Variants in CFAP299 observed in about 807,000 individuals in gnomAD.
The protein encoded by CFAP299 is cilia- and flagella-associated protein 299.
In CFAP299, 21 loss-of-function variants were observed where a neutral mutation model predicts 27.0. That is an observed-to-expected ratio of 0.78 (90% CI 0.55 to 1.12). The LOEUF (loss-of-function observed/expected upper bound fraction) is 1.12, where lower values mean the gene tolerates loss of function less well. Ranked by LOEUF, CFAP299 falls within the 50% of genes most tolerant of loss-of-function variation. The pLI is 0.00. For missense variants in CFAP299, 310 were observed against 276.6 expected, an observed-to-expected ratio of 1.12 and a Z score of -0.86; for synonymous variants, 104 against 98.1, an observed-to-expected ratio of 1.06 and a Z score of -0.36.
intron 3 of CFAP299, among the ~76,000 whole-genome samples, chr4:80,603,740 T>C (rs1370698999): frequency 1.3e-5 from 2 of 152,198 alleles, no homozygotes; most frequent in African/African-American, 4.8e-5. Context: ...TATTCATCTA[T>C]ATGATAGAAT....
intron 2 of CFAP299, among the ~76,000 whole-genome samples, chr4:80,488,795 G>T (rs963135033): frequency 1.3e-5 from 2 of 152,114 alleles, no homozygotes; most frequent in African/African-American, 4.8e-5. Context: ...TCCTAACTGA[G>T]TATGTTATAT....
At chr4:80,752,170 G>T (rs79315520) in intron 3 of CFAP299, among the ~76,000 whole-genome samples, 1 of 151,862 alleles carries the variant, frequency 6.6e-6, no homozygotes. Flanking sequence ...GCCACTCCCC[G>T]GTAGGCCATC....
At chr4:80,501,459 GAA>G (rs1044319321) in intron 2 of CFAP299, among the ~76,000 whole-genome samples, 8 of 146,606 alleles carry the variant, frequency 5.5e-5, no homozygotes, top group African/African-American at 2.0e-4. Context: ...TATTTATAAT[GAA>G]AAGATTTATA....
chr4:80,645,059 T>A (rs1739931406), intron 3 of CFAP299, among the ~76,000 whole-genome samples: 1 of 152,114 alleles, frequency 6.6e-6, no homozygotes, highest in Non-Finnish European at 1.5e-5. Flanking sequence ...TCCTTGAGTT[T>A]CAGAGTACCT....
intron 3 of CFAP299, among the ~76,000 whole-genome samples, chr4:80,732,971 C>T (rs1723625659): frequency 6.6e-6 from 1 of 152,062 alleles, no homozygotes. Flanking sequence ...CAGTAATACA[C>T]ATGTGTTATT....
At chr4:80,845,545 G>A (rs1233865892) in intron 3 of CFAP299, among the ~76,000 whole-genome samples, 1 of 152,074 alleles carries the variant, frequency 6.6e-6, no homozygotes, top group Non-Finnish European at 1.5e-5. Context: ...GAACAGGCAA[G>A]ACTATTTCCT....
intron 2 of CFAP299, among the ~76,000 whole-genome samples, chr4:80,492,493 A>G (rs189871594): frequency 6.6e-6 from 1 of 152,282 alleles, no homozygotes; most frequent in African/African-American, 2.4e-5. Flanking sequence ...GATGGGACTA[A>G]CAGGAGTTTA....
At chr4:80,528,885 T>G (rs1185594853) in intron 2 of CFAP299, among the ~76,000 whole-genome samples, 1 of 152,166 alleles carries the variant, frequency 6.6e-6, no homozygotes, top group Non-Finnish European at 1.5e-5. Flanking sequence ...TACCAATTTA[T>G]TTTTCTTTCT....
intron 3 of CFAP299, among the ~76,000 whole-genome samples, chr4:80,689,301 G>T (rs941403343): frequency 5.3e-5 from 8 of 151,442 alleles, no homozygotes; most frequent in Non-Finnish European, 1.2e-4. Flanking sequence ...AGAAAGGTCG[G>T]GTTACCCTCA....
chr4:80,754,791 C>T (rs939502962), intron 3 of CFAP299, among the ~76,000 whole-genome samples: 8 of 152,030 alleles, frequency 5.3e-5, no homozygotes, highest in African/African-American at 1.9e-4. Context: ...GTACCTGCTC[C>T]AGGTATGCAT....
intron 2 of CFAP299, among the ~76,000 whole-genome samples, chr4:80,448,822 A>T (rs1728761818): frequency 6.6e-6 from 1 of 152,210 alleles, no homozygotes; most frequent in South Asian, 2.1e-4. Context: ...ATCCTAATGA[A>T]ATTATGACAT....
intron 3 of CFAP299, among the ~76,000 whole-genome samples, chr4:80,801,417 G>A (rs578010145): frequency 1.4e-4 from 21 of 151,868 alleles, no homozygotes; most frequent in Non-Finnish European, 2.2e-4. Context: ...AAAAATTTTA[G>A]TGAAATATCC....
In CFAP299 at chr4:80,963,393, C is replaced by G; in HGVS notation, c.607-124C>G. 3 of 641,308 alleles carry G rather than the reference C, an allele frequency of 4.7e-6. No individual in the cohort carries two copies. The East Asian group carries it at 8.7e-5, about 19-fold the overall frequency. The allele number at this position is 641,308 out of a possible 1,614,324, so 39.7% of individuals were successfully genotyped here. On this transcript the variant is annotated intron_variant, in intron 5 of 5. Coordinates refer to ENST00000358105, the MANE Select transcript of CFAP299 (RefSeq NM_152770.3). ...GACTAGGGGGAAAACATGTATATAT[C>G]TCCGTGGAAACAAACTTGCTAGTTT...
At position 80,942,141 on chromosome 4, in the gene CFAP299, C is replaced by T. The variant is rs180731645; in HGVS notation, c.477-2669C>T. Among the ~76,000 whole-genome samples the T allele has an allele frequency of 5.2e-3, 794 of 152,244 alleles. 3 individuals are homozygous for T. Among genetic ancestry groups the T allele is most frequent in the Middle Eastern group, 0.014 (4 of 294 alleles). ...TTCCATTGACTAAATTGCTATTACG[C>T]GGCTACACTGCAAGAGAGACCATGG... On this transcript the variant is annotated intron_variant, in intron 4 of 5. Transcript: ENST00000358105.
intron 2 of CFAP299, among the ~76,000 whole-genome samples, chr4:80,385,941 T>C (rs1401348303): frequency 1.3e-5 from 2 of 152,236 alleles, no homozygotes; most frequent in African/African-American, 4.8e-5. Context: ...GCCGTGGCTC[T>C]GCCCGGAAAC....
At chr4:80,864,450 C>G (rs1732575396) in intron 3 of CFAP299, among the ~76,000 whole-genome samples, 1 of 135,514 alleles carries the variant, frequency 7.4e-6, no homozygotes, top group Non-Finnish European at 1.6e-5. Flanking sequence ...ATATATATAC[C>G]TATATAAGTA....
In CFAP299 at chr4:80,534,134, C is replaced by G. The variant is rs34288976; in HGVS notation, c.243-48959C>G. On this transcript the variant is annotated intron_variant, in intron 2 of 5. Coordinates refer to ENST00000358105, the MANE Select transcript of CFAP299 (RefSeq NM_152770.3). ...TAAAAAACTGAAAAAGTGATTATTT[C>G]TGGGAGGTGGAACTAAAGGGAATTT... 9.6e-4 allele frequency among the ~76,000 whole-genome samples: 146 copies of G among 152,010 alleles called. 1 individual carries two copies. The highest frequency in any genetic ancestry group is 3.4e-3 in the African/African-American group (143 of 41,528).
chr4:80,582,096 T>C (rs979397158), intron 2 of CFAP299, among the ~76,000 whole-genome samples: 12 of 151,926 alleles, frequency 7.9e-5, no homozygotes, highest in Non-Finnish European at 1.8e-4. Flanking sequence ...TTTGAATTTC[T>C]TTATTCCTTT....
intron 3 of CFAP299, among the ~76,000 whole-genome samples, chr4:80,831,875 G>A (rs2110131961): frequency 6.6e-6 from 1 of 152,200 alleles, no homozygotes; most frequent in South Asian, 2.1e-4. Context: ...AGTCACTATT[G>A]TGAGACAGAG....
Sources: allele counts gnomAD v4.1 joint callset (sites outside exome capture counted in the v4.1 genomes callset), GRCh38; gene constraint gnomAD v4.1.1; transcripts MANE v1.5; gene names NCBI Gene and HGNC (gene_info 2026-07-23, HGNC 2026-07-21).